Variants in TRPV4 observed in about 807,000 individuals in gnomAD.
TRPV4 encodes the protein transient receptor potential cation channel subfamily V member 4, also known as OSM9-like transient receptor potential channel 4.
Under a neutral mutation model 84.1 loss-of-function variants are expected in TRPV4, and 58 were observed. That is an observed-to-expected ratio of 0.69 (90% CI 0.56 to 0.86). The LOEUF is 0.86. Ranked by LOEUF, TRPV4 falls within the 40% of genes least tolerant of loss-of-function variation. The probability of loss-of-function intolerance (pLI) is 0.00; values close to 1 mark genes in which losing one functional copy is unlikely to be tolerated. For synonymous variants in TRPV4, 489 were observed against 500.9 expected, an observed-to-expected ratio of 0.98 and a Z score of 0.32; for missense variants, 879 against 1,181.1, an observed-to-expected ratio of 0.74 and a Z score of 3.75.
At chr12:109,784,481 C>A in intron 14 of TRPV4, 44 bp from the exon 15 acceptor site, 1 of 1,613,896 alleles carries the variant, frequency 6.2e-7, no homozygotes, top group Non-Finnish European at 8.5e-7. Context: ...CCCTCAGAGA[C>A]GCTCTCCATG....
At chr12:109,821,721 A>G (rs935619713) in intron 1 of TRPV4, among the ~76,000 whole-genome samples, 7 of 151,992 alleles carry the variant, frequency 4.6e-5, no homozygotes, top group African/African-American at 1.7e-4. Context: ...TAGTAGAGGC[A>G]GGGTTTTGCC....
In TRPV4 at chr12:109,796,424, A is replaced by T; in HGVS notation, c.1332+101T>A. 1 of 1,415,372 alleles carries T rather than the reference A, an allele frequency of 7.1e-7. No individual in the cohort carries two copies. Among genetic ancestry groups the T allele is most frequent in the Non-Finnish European group, 9.8e-7 (1 of 1,019,572 alleles). 87.7% of individuals were successfully genotyped at this position (1,415,372 alleles called of 1,614,324 possible). A position where few individuals can be genotyped will look rare whatever the true frequency, so the allele number is the denominator to read the frequency against. Reference sequence around the variant, plus strand: ...CAACAGACCCACCACGTTGGGTCCTAGAGGCTGGGGCTGTCTCCCCCAGCC... The same window carrying T: ...CAACAGACCCACCACGTTGGGTCCTTGAGGCTGGGGCTGTCTCCCCCAGCC... On this transcript the variant is annotated intron_variant, in intron 7 of 15. Transcript: ENST00000261740. The surrounding 1 kb of genome is among the most constrained non-coding windows in gnomAD (Gnocchi z 4.2).
intron 1 of TRPV4, among the ~76,000 whole-genome samples, chr12:109,818,219 G>C (rs1891943761): frequency 6.6e-6 from 1 of 152,156 alleles, no homozygotes; most frequent in African/African-American, 2.4e-5. Context: ...AGGGAGGAGA[G>C]GGGGAAGGCC....
chr12:109,792,721 G>T lies in TRPV4; in HGVS notation c.1755C>A (p.Gly585=). The change falls in exon 11 of 16, where the codon GGC becomes GGA. Residue 585 remains glycine, a synonymous_variant. Coordinates refer to ENST00000261740, the MANE Select transcript of TRPV4 (RefSeq NM_021625.5). Reference sequence around the variant, plus strand: ...GGGTGAAGTAAAGGGCATTCATCCAGCCCAGGACCAGGGCAAAGACCATCA... The same window carrying T: ...GGGTGAAGTAAAGGGCATTCATCCATCCCAGGACCAGGGCAAAGACCATCA... The part of the protein sequence containing the change: ...LAVMVFALVL[G]WMNALYFTRG... The T allele has an allele frequency of 6.2e-7, 1 of 1,614,154 alleles. No homozygotes were observed. The highest frequency in any genetic ancestry group is 1.3e-5 in the African/African-American group (1 of 75,060).
chr12:109,825,222 A>G (rs900507959), intron 1 of TRPV4, among the ~76,000 whole-genome samples: 5 of 152,148 alleles, frequency 3.3e-5, no homozygotes, highest in Non-Finnish European at 7.3e-5. Context: ...ATTAAAAAAT[A>G]AAATAACAGC....
At chr12:109,808,544 C>A in intron 2 of TRPV4, 76 bp from the exon 3 acceptor site, 2 of 1,468,402 alleles carry the variant, frequency 1.4e-6, no homozygotes, top group South Asian at 1.3e-5. Context: ...CTTAGGGACC[C>A]AGAGACTGTG....
chr12:109,800,748 G>A lies in TRPV4; in HGVS notation c.723C>T (p.Ala241=). The change falls in exon 5 of 16, where the codon GCC becomes GCT. Residue 241 remains alanine (A), a synonymous_variant. Transcript: ENST00000261740. ...AGCGACGCTCAATGGCGATGTGCAG[G>A]GCTGTCTGACCTGGGGGCAGGGGAC... ...FRDIYYRGQT[A]LHIAIERRCK... is the part of the protein sequence containing the mutation. The A allele has an allele frequency of 2.5e-6, 4 of 1,613,808 alleles. No individual in the cohort carries two copies. Among genetic ancestry groups the A allele is most frequent in the Non-Finnish European group, 3.4e-6 (4 of 1,180,008 alleles).
chr12:109,784,860 C>CGTGTGTGTGTGTGTGTGTGT (rs58584964), intron 14 of TRPV4, among the ~76,000 whole-genome samples: 8 of 123,796 alleles, frequency 6.5e-5, no homozygotes, highest in African/African-American at 2.5e-4. Context: ...AAAAAAAAGA[C>CGTGTGTGTGTGTGTGTGTGT]GTGTGTGTGT....
intron 3 of TRPV4, 152 bp from the exon 4 acceptor site, chr12:109,803,295 C>T: frequency 1.1e-6 from 1 of 905,680 alleles, no homozygotes; most frequent in South Asian, 1.4e-5. Context: ...CCAGTGGGGA[C>T]CCAGGGCCAC....
At chr12:109,812,065 G>A (rs1891553805) in intron 2 of TRPV4, among the ~76,000 whole-genome samples, 1 of 152,182 alleles carries the variant, frequency 6.6e-6, no homozygotes. Context: ...GCTTCCTAAA[G>A]GACCAGGAGG....
chr12:109,789,702 C>G (rs1889915907), intron 12 of TRPV4, among the ~76,000 whole-genome samples: 1 of 152,216 alleles, frequency 6.6e-6, no homozygotes, highest in Non-Finnish European at 1.5e-5. Context: ...CACAGAATGT[C>G]ATACTGCCTG....
At chr12:109,800,828 G>T in intron 4 of TRPV4, 70 bp from the exon 5 acceptor site, 2 of 1,525,008 alleles carry the variant, frequency 1.3e-6, no homozygotes, top group Non-Finnish European at 1.8e-6. Context: ...TGGGGGTGGG[G>T]GTAGGGTGCA....
At position 109,798,727 on chromosome 12, in the gene TRPV4, C is replaced by T. The variant is rs1006063188; in HGVS notation, c.1039G>A (p.Asp347Asn). 15 of 1,614,102 alleles carry T rather than the reference C, an allele frequency of 9.3e-6. No individual in the cohort carries two copies. The highest frequency in any genetic ancestry group is 4.5e-5 in the East Asian group (2 of 44,886). Residue 347 changes from aspartate (D) to asparagine (N), a missense_variant, in exon 6 of 16, where the codon GAC becomes AAC. Coordinates refer to ENST00000261740, the MANE Select transcript of TRPV4 (RefSeq NM_021625.5). This position sits in a 1 kb window ranked among gnomAD's most constrained non-coding sequence, Gnocchi z 5.0. ...CGGGCACACTTGAGCAGCAGCAGGT[C>T]GTACATCTTGGTAACAAACTTGGTG... ...ENTKFVTKMYDLLLLKCARLF... is the reference protein window; with the variant it reads ...ENTKFVTKMYNLLLLKCARLF...
At position 109,784,432 on chromosome 12, in the gene TRPV4, T is replaced by C; in HGVS notation, c.2342A>G (p.Asp781Gly). 6.2e-7 allele frequency: 1 copy of C among 1,614,048 alleles called. No homozygotes were observed. The highest frequency in any genetic ancestry group is 1.3e-5 in the African/African-American group (1 of 74,978). The change falls in exon 15 of 16, where the codon GAT (aspartate) becomes GGT (glycine). Residue 781 changes from aspartate (D) to glycine (G), a missense_variant. By Grantham distance (94) the Asp-to-Gly change is moderately conservative (BLOSUM62 -1). Transcript: ENST00000261740. ...GTTCCAGTGAGACCAGTTCACCTCATCCACCCTGGCAGGGCCCAAGCAGAG... is the reference window on the plus strand; with the variant it reads ...GTTCCAGTGAGACCAGTTCACCTCACCCACCCTGGCAGGGCCCAAGCAGAG... ...TPDRRWCFRV[D>G]EVNWSHWNQN...
chr12:109,809,550 C>T (rs534774903), intron 2 of TRPV4, among the ~76,000 whole-genome samples: 2 of 150,174 alleles, frequency 1.3e-5, no homozygotes, highest in East Asian at 4.0e-4. Context: ...ATCCATCCAC[C>T]CACTCATCCA....
chr12:109,787,077 C>T (rs1889737664), intron 13 of TRPV4, among the ~76,000 whole-genome samples: 1 of 152,166 alleles, frequency 6.6e-6, no homozygotes, highest in African/African-American at 2.4e-5. Flanking sequence ...CACACTTACA[C>T]AGCAGTTGCC....
chr12:109,785,020 AT>A (rs1168910466), intron 14 of TRPV4, among the ~76,000 whole-genome samples: 5 of 151,646 alleles, frequency 3.3e-5, no homozygotes, highest in Admixed American at 6.6e-5. Flanking sequence ...AGCAGAAATT[AT>A]TTTTTTTAAC....
At position 109,814,987 on chromosome 12, in the gene TRPV4, G is replaced by T; in HGVS notation, c.-31-160C>A. On this transcript the variant is annotated intron_variant, in intron 1 of 15. Transcript: ENST00000261740. The surrounding 1 kb of genome is among the most constrained non-coding windows in gnomAD (Gnocchi z 5.4). ...AGGCCACTCCCAGATGTGGTTGGCC[G>T]CCAGCCTCAGGCGGGAACTGCAACA... 2.9e-6 allele frequency: 2 copies of T among 678,522 alleles called. No homozygotes were observed. The highest frequency in any genetic ancestry group is 2.7e-5 in the East Asian group (1 of 36,524). 42.0% of individuals were successfully genotyped at this position (678,522 alleles called of 1,614,324 possible). A position where few individuals can be genotyped will look rare whatever the true frequency, so the allele number is the denominator to read the frequency against.
rs934142312 is a variant in TRPV4, at chr12:109,798,417, C to T, written c.1152+197G>A. ...GTAGGGTGACATGAGGCGAGAGGCT[C>T]GGGGATGAAGCTAAGGAGCTTGGCT... On this transcript the variant is annotated intron_variant, in intron 6 of 15. Coordinates refer to ENST00000261740, the MANE Select transcript of TRPV4 (RefSeq NM_021625.5). This position sits in a 1 kb window ranked among gnomAD's most constrained non-coding sequence, Gnocchi z 5.0. Among the ~76,000 whole-genome samples the T allele has an allele frequency of 9.9e-5, 15 of 152,060 alleles. No homozygotes were observed. Among genetic ancestry groups the T allele is most frequent in the African/African-American group, 3.1e-4 (13 of 41,468 alleles).
Sources: allele counts gnomAD v4.1 joint callset (sites outside exome capture counted in the v4.1 genomes callset), GRCh38; gene constraint gnomAD v4.1.1; non-coding constraint Gnocchi (gnomAD v3.1); transcripts MANE v1.5; gene names NCBI Gene and HGNC (gene_info 2026-07-23, HGNC 2026-07-21).